ZNF385D: variants seen among roughly 807,000 people sequenced by gnomAD.
ZNF385D encodes zinc finger protein 659.
Under a neutral mutation model 35.8 loss-of-function variants are expected in ZNF385D, and 15 were observed. The observed-to-expected ratio is 0.42, with a 90% CI of 0.28 to 0.64. The LOEUF (loss-of-function observed/expected upper bound fraction) is 0.64. Ranked by LOEUF, ZNF385D falls within the 30% of genes least tolerant of loss-of-function variation. The pLI is 0.23. For synonymous variants in ZNF385D, 212 were observed against 186.8 expected (o/e 1.13, Z -1.10); for missense variants, 474 against 494.6 (o/e 0.96, Z 0.39).
In ZNF385D at chr3:21,423,416, C is replaced by G. The variant is rs1169761093; in HGVS notation, c.954+547G>C. On this transcript the variant is annotated intron_variant, in intron 7 of 7. Coordinates refer to ENST00000281523, the MANE Select transcript of ZNF385D (RefSeq NM_024697.3). Reference sequence around the variant, plus strand: ...CTGATGAAAGCTATGGTCACTTCAACCAGAAACAAACTAACAAAACAAAAT... The same window carrying G: ...CTGATGAAAGCTATGGTCACTTCAAGCAGAAACAAACTAACAAAACAAAAT... Among the ~76,000 whole-genome samples the G allele has an allele frequency of 1.3e-5, 2 of 152,116 alleles. 1 individual carries two copies. Among genetic ancestry groups the G allele is most frequent in the Non-Finnish European group, 2.9e-5 (2 of 68,020 alleles).
chr3:22,057,289 T>A (rs989925618), intron 3 of ZNF385D, among the ~76,000 whole-genome samples: 4 of 152,196 alleles, frequency 2.6e-5, no homozygotes, highest in Non-Finnish European at 5.9e-5. Flanking sequence ...ACCTCATAGG[T>A]TATAAGCATT....
intron 2 of ZNF385D, among the ~76,000 whole-genome samples, chr3:21,662,759 G>A (rs965057911): frequency 2.0e-5 from 3 of 152,176 alleles, no homozygotes; most frequent in Non-Finnish European, 4.4e-5. Context: ...ATCAACACAA[G>A]TTAAAATCCA....
rs576584358 is a variant in ZNF385D at position 22,129,270 on chromosome 3, T to G, written c.325+39547A>C. Among the ~76,000 whole-genome samples, 258 of 152,320 alleles carry G rather than the reference T, an allele frequency of 1.7e-3. 2 individuals carry two copies. The highest frequency in any genetic ancestry group is 0.01 in the Middle Eastern group (3 of 294). The stretch of plus-strand genomic sequence containing the variant: ...TTCCCATGGCCACCACAGCTGGGAC[T>G]GTGCCTCGTCATACCTGAAACAAGC... On this transcript the variant is annotated intron_variant, in intron 3 of 5. Transcript: ENST00000494108.
At chr3:22,252,524 AAAC>A (rs1700114618) in intron 2 of ZNF385D, among the ~76,000 whole-genome samples, 1 of 152,022 alleles carries the variant, frequency 6.6e-6, no homozygotes, top group Non-Finnish European at 1.5e-5. Context: ...AAAGAAAAGA[AAAC>A]TACTACTGTC....
At chr3:22,065,361 C>T (rs1193127659) in intron 3 of ZNF385D, among the ~76,000 whole-genome samples, 1 of 152,164 alleles carries the variant, frequency 6.6e-6, no homozygotes, top group African/African-American at 2.4e-5. Context: ...CCAATCTATG[C>T]CAACACAGTG....
intron 1 of ZNF385D, among the ~76,000 whole-genome samples, chr3:21,697,388 TAA>T (rs1301687796): frequency 6.6e-6 from 1 of 152,110 alleles, no homozygotes; most frequent in Non-Finnish European, 1.5e-5. Context: ...TCTCTGACAA[TAA>T]AAAGTTTCGT....
At chr3:22,218,452 AATAT>A (rs1698033787) in intron 2 of ZNF385D, among the ~76,000 whole-genome samples, 1 of 151,918 alleles carries the variant, frequency 6.6e-6, no homozygotes, top group African/African-American at 2.4e-5. Flanking sequence ...TTTATATATA[AATAT>A]ATGTATATAT....
At chr3:22,171,929 T>C (rs969678340) in intron 2 of ZNF385D, among the ~76,000 whole-genome samples, 3 of 148,884 alleles carry the variant, frequency 2.0e-5, no homozygotes, top group East Asian at 3.9e-4. Flanking sequence ...AAAACTGCAG[T>C]GGCTCAAATG....
intron 3 of ZNF385D, among the ~76,000 whole-genome samples, chr3:21,865,178 C>T (rs1261479614): frequency 2.7e-5 from 4 of 146,712 alleles, no homozygotes; most frequent in African/African-American, 1.0e-4. Flanking sequence ...AATAGAACTA[C>T]AAGTAATTAG....
At chr3:21,497,316 A>G (rs577254541) in intron 4 of ZNF385D, among the ~76,000 whole-genome samples, 1 of 152,330 alleles carries the variant, frequency 6.6e-6, no homozygotes, top group Admixed American at 6.5e-5. Context: ...AGAAAAGAAT[A>G]AAATAGCTGG....
At chr3:22,226,074 G>T (rs140675327) in intron 2 of ZNF385D, among the ~76,000 whole-genome samples, 16 of 151,280 alleles carry the variant, frequency 1.1e-4, no homozygotes, top group African/African-American at 3.9e-4. Flanking sequence ...AACATGAAAA[G>T]AAACTATATG....
At chr3:22,204,959 A>G (rs1697049786) in intron 2 of ZNF385D, among the ~76,000 whole-genome samples, 1 of 150,370 alleles carries the variant, frequency 6.7e-6, no homozygotes, top group South Asian at 2.1e-4. Flanking sequence ...AAAGTGCTAT[A>G]AAAGAGGACT....
chr3:21,887,269 A>G (rs545339674), intron 3 of ZNF385D, among the ~76,000 whole-genome samples: 1 of 152,204 alleles, frequency 6.6e-6, no homozygotes, highest in African/African-American at 2.4e-5. Flanking sequence ...GTTTCTAAGT[A>G]TGCCCCTTAA....
intron 4 of ZNF385D, among the ~76,000 whole-genome samples, chr3:21,456,715 C>A (rs1311945248): frequency 1.3e-5 from 2 of 151,118 alleles, no homozygotes; most frequent in East Asian, 3.9e-4. Context: ...TGCACATGTA[C>A]CCTAGAACTT....
chr3:21,956,821 G>C (rs1319985246), intron 3 of ZNF385D, among the ~76,000 whole-genome samples: 2 of 151,622 alleles, frequency 1.3e-5, no homozygotes, highest in Non-Finnish European at 2.9e-5. Context: ...TCAAGCAGAA[G>C]GCAATCTGTA....
At chr3:21,961,326 A>G (rs541501503) in intron 3 of ZNF385D, 1 of 152,268 alleles carries the variant, frequency 6.6e-6, no homozygotes, top group African/African-American at 2.4e-5. Context: ...CTTTCCTGTC[A>G]TCAATTTGGC....
chr3:21,501,025 C>T (rs755326936), intron 4 of ZNF385D, among the ~76,000 whole-genome samples: 8 of 152,144 alleles, frequency 5.3e-5, no homozygotes, highest in Admixed American at 2.0e-4. Context: ...CTGCACCCCG[C>T]ATTTGCATTA....
chr3:21,913,864 A>G (rs1457820131), intron 3 of ZNF385D, among the ~76,000 whole-genome samples: 1 of 152,084 alleles, frequency 6.6e-6, no homozygotes, highest in Non-Finnish European at 1.5e-5. Context: ...TTTCCTCATC[A>G]GTAGTTGTTA....
At chr3:22,282,993 A>G (rs1701842373) in intron 2 of ZNF385D, among the ~76,000 whole-genome samples, 1 of 152,096 alleles carries the variant, frequency 6.6e-6, no homozygotes, top group Non-Finnish European at 1.5e-5. Flanking sequence ...GTGGACAAAG[A>G]TATTCCATGC....
Sources: allele counts gnomAD v4.1 joint callset (sites outside exome capture counted in the v4.1 genomes callset), GRCh38; gene constraint gnomAD v4.1.1; transcripts MANE v1.5; gene names NCBI Gene and HGNC (gene_info 2026-07-23, HGNC 2026-07-21).